PIK3C2G: variants seen among roughly 807,000 people sequenced by gnomAD.
PIK3C2G encodes phosphatidylinositol 3-kinase C2 domain-containing subunit gamma.
PIK3C2G carries 168 observed loss-of-function variants against 181.1 expected under a neutral mutation model. That is an observed-to-expected ratio of 0.93 (90% confidence interval 0.82 to 1.05). The LOEUF (loss-of-function observed/expected upper bound fraction) is 1.05. Ranked by LOEUF, PIK3C2G falls within the 50% of genes least tolerant of loss-of-function variation. The pLI is 0.00. For missense variants in PIK3C2G, 1,869 were observed against 1,732.8 expected (o/e 1.08, Z -1.40); for synonymous variants, 573 against 592.2 (o/e 0.97, Z 0.47).
upstream of PIK3C2G, among the ~76,000 whole-genome samples, chr12:18,259,798 A>G (rs2136988243): frequency 6.6e-6 from 1 of 152,218 alleles, no homozygotes; most frequent in Middle Eastern, 3.4e-3. Context: ...TTGAAGCTTG[A>G]TCATTCTGTC....
intron 6 of PIK3C2G, among the ~76,000 whole-genome samples, chr12:18,318,656 C>T (rs567853925): frequency 2.0e-5 from 3 of 151,758 alleles, no homozygotes; most frequent in Non-Finnish European, 4.4e-5. Context: ...GATACCATTA[C>T]CTCGCAGTAG....
intron 20 of PIK3C2G, among the ~76,000 whole-genome samples, chr12:18,492,332 C>T (rs1296381778): frequency 6.6e-6 from 1 of 152,010 alleles, no homozygotes; most frequent in Non-Finnish European, 1.5e-5. Context: ...GAAAACAAAC[C>T]CAATAATTAG....
At chr12:18,622,700 C>CGA (rs1427435826) in intron 31 of PIK3C2G, among the ~76,000 whole-genome samples, 1 of 151,824 alleles carries the variant, frequency 6.6e-6, no homozygotes. Context: ...CTTTTCTCCA[C>CGA]ATTCTTGTCG....
chr12:18,284,247 T>G (rs900132381), intron 2 of PIK3C2G, among the ~76,000 whole-genome samples: 2 of 152,152 alleles, frequency 1.3e-5, no homozygotes, highest in Non-Finnish European at 2.9e-5. Context: ...GAGACTGAGC[T>G]GAGCGCTTCA....
At chr12:18,542,302 A>C (rs1467715547) in intron 25 of PIK3C2G, among the ~76,000 whole-genome samples, 6 of 151,884 alleles carry the variant, frequency 4.0e-5, no homozygotes, top group Non-Finnish European at 8.8e-5. Flanking sequence ...GCTATCGGGA[A>C]TGTGTCTTCC....
chr12:18,309,041 T>C (rs960435647), intron 5 of PIK3C2G, among the ~76,000 whole-genome samples: 2 of 151,760 alleles, frequency 1.3e-5, no homozygotes, highest in Admixed American at 1.3e-4. Context: ...AATATCTTAG[T>C]AGTCTTTTCA....
At chr12:18,467,532 C>T (rs1938023023) in intron 18 of PIK3C2G, among the ~76,000 whole-genome samples, 1 of 151,184 alleles carries the variant, frequency 6.6e-6, no homozygotes, top group South Asian at 2.1e-4. Flanking sequence ...GCAAAGTAGA[C>T]CTGAATCAAG....
At chr12:18,446,881 CT>C (rs1369277737) in intron 18 of PIK3C2G, among the ~76,000 whole-genome samples, 2 of 151,998 alleles carry the variant, frequency 1.3e-5, no homozygotes, top group African/African-American at 2.4e-5. Flanking sequence ...CTTTTTTCTT[CT>C]TTTAAATTTG....
At chr12:18,693,568 C>G in the PIK3C2G span, 6 of 1,600,338 alleles carry the variant, frequency 3.7e-6, no homozygotes, top group Admixed American at 6.7e-5. Flanking sequence ...GTGATGGGCC[C>G]AAACTCGGAC....
At position 18,563,240 on chromosome 12, in the gene PIK3C2G, A is replaced by G. The variant is rs920879507; in HGVS notation, c.3781-137A>G. ...ATTTATATTTAATTTTGCCTTTACA[A>G]AATGCATCTCCTAGCTTTTATGATA... On this transcript the variant is annotated intron_variant, in intron 27 of 32. Transcript: ENST00000538779. 3.0e-5 allele frequency: 23 copies of G among 754,754 alleles called. No homozygotes were observed. The East Asian group carries it at 5.4e-4, about 18-fold the overall frequency. 46.8% of individuals were successfully genotyped at this position (754,754 alleles called of 1,614,324 possible). A position where few individuals can be genotyped will look rare whatever the true frequency, so the allele number is the denominator to read the frequency against.
At chr12:18,514,127 A>G (rs964663649) in intron 24 of PIK3C2G, among the ~76,000 whole-genome samples, 1 of 151,786 alleles carries the variant, frequency 6.6e-6, no homozygotes, top group Non-Finnish European at 1.5e-5. Context: ...TAATTTCCAC[A>G]TAGTTGAGTA....
At chr12:18,416,992 C>T (rs1483349107) in intron 16 of PIK3C2G, among the ~76,000 whole-genome samples, 1 of 152,080 alleles carries the variant, frequency 6.6e-6, no homozygotes, top group Non-Finnish European at 1.5e-5. Flanking sequence ...ATTCACCATT[C>T]TAGATATAAT....
chr12:18,533,370 G>A (rs1468385850), intron 24 of PIK3C2G, among the ~76,000 whole-genome samples: 1 of 152,026 alleles, frequency 6.6e-6, no homozygotes, highest in Non-Finnish European at 1.5e-5. Flanking sequence ...AGTTCTTCTT[G>A]GCACCTCTTC....
intron 29 of PIK3C2G, among the ~76,000 whole-genome samples, chr12:18,590,858 T>C (rs1447894002): frequency 6.6e-6 from 1 of 151,928 alleles, no homozygotes; most frequent in Non-Finnish European, 1.5e-5. Flanking sequence ...TATTTAGTCA[T>C]CCACACCCAG....
chr12:18,292,864 C>T (rs1283379378), intron 4 of PIK3C2G, among the ~76,000 whole-genome samples: 1 of 152,136 alleles, frequency 6.6e-6, no homozygotes, highest in Non-Finnish European at 1.5e-5. Flanking sequence ...GTCTAGAGAA[C>T]AACCAACTGT....
At chr12:18,446,157 A>AATC (rs1163965841) in intron 18 of PIK3C2G, among the ~76,000 whole-genome samples, 2 of 152,298 alleles carry the variant, frequency 1.3e-5, no homozygotes, top group Non-Finnish European at 2.9e-5. Context: ...AGACCCTGCC[A>AATC]ATCTGCCACT....
At chr12:18,335,181 T>G (rs2137569481) in intron 8 of PIK3C2G, among the ~76,000 whole-genome samples, 1 of 152,250 alleles carries the variant, frequency 6.6e-6, no homozygotes, top group African/African-American at 2.4e-5. Context: ...ATCCAATGTC[T>G]GAGGACTATT....
chr12:18,371,194 T>C lies in PIK3C2G; in HGVS notation c.1763T>C (p.Leu588Pro), dbSNP rs1167350078. 1 of 1,608,700 alleles carries C rather than the reference T, an allele frequency of 6.2e-7. No homozygotes were observed. The highest frequency in any genetic ancestry group is 1.3e-5 in the African/African-American group (1 of 74,838). Reference protein sequence around the residue: ...VNWNETINFPLEIKSLPRESM... With the variant: ...VNWNETINFPPEIKSLPRESM... ...TTTATTCTCAGGATCAATTTTCCCC[T>C]TGAAATAAAGTCACTTCCAAGGGAA... Residue 588 changes from leucine to proline, a missense_variant, in exon 13 of 33, where the codon CTT (leucine) becomes CCT (proline). Physicochemically the swap from Leu to Pro is moderately conservative, Grantham distance 98. Transcript: ENST00000538779.
chr12:18,501,216 G>A (rs1293055228), intron 22 of PIK3C2G, among the ~76,000 whole-genome samples: 1 of 152,192 alleles, frequency 6.6e-6, no homozygotes. Flanking sequence ...GAGGTTAAAT[G>A]GCTCACAGTT....
Sources: allele counts gnomAD v4.1 joint callset (sites outside exome capture counted in the v4.1 genomes callset), GRCh38; gene constraint gnomAD v4.1.1; transcripts MANE v1.5; gene names NCBI Gene and HGNC (gene_info 2026-07-23, HGNC 2026-07-21).